Variants in CRPPA observed in about 807,000 individuals in gnomAD.
CRPPA encodes D-ribitol-5-phosphate cytidylyltransferase.
Under a neutral mutation model 52.0 loss-of-function variants are expected in CRPPA, and 43 were observed. The observed-to-expected ratio is 0.83, with a 90% CI of 0.65 to 1.07. The LOEUF (loss-of-function observed/expected upper bound fraction) is 1.07. CRPPA is among the 50% of genes least tolerant of loss of function. The probability of loss-of-function intolerance (pLI) is 0.00; values close to 1 mark genes in which losing one functional copy is unlikely to be tolerated. For missense variants in CRPPA, 629 were observed against 551.7 expected, an observed-to-expected ratio of 1.14 and a Z score of -1.40; for synonymous variants, 250 against 203.5, an observed-to-expected ratio of 1.23 and a Z score of -1.94.
intron 2 of CRPPA, among the ~76,000 whole-genome samples, chr7:16,383,324 A>G (rs1343438574): frequency 6.6e-6 from 1 of 152,186 alleles, no homozygotes; most frequent in Non-Finnish European, 1.5e-5. Context: ...ATGAACCGCG[A>G]ATGCTGCTGT....
chr7:16,131,879 A>C (rs1471139332), intron 9 of CRPPA, among the ~76,000 whole-genome samples: 1 of 152,162 alleles, frequency 6.6e-6, no homozygotes, highest in Non-Finnish European at 1.5e-5. Context: ...CCCAGCCACC[A>C]CTTAAATTTC....
chr7:16,305,817 G>A (rs768682487), intron 4 of CRPPA, among the ~76,000 whole-genome samples: 38 of 152,184 alleles, frequency 2.5e-4, no homozygotes, highest in Admixed American at 2.0e-4. Flanking sequence ...GGGAGTCGGA[G>A]GTTGCAGTGA....
chr7:16,127,100 T>C (rs925980484), intron 9 of CRPPA, among the ~76,000 whole-genome samples: 2 of 152,160 alleles, frequency 1.3e-5, no homozygotes, highest in East Asian at 1.9e-4. Flanking sequence ...CATTCACATA[T>C]AAAAATCAAT....
chr7:16,304,613 C>A (rs540622759), intron 4 of CRPPA, among the ~76,000 whole-genome samples: 7 of 152,034 alleles, frequency 4.6e-5, no homozygotes, highest in Middle Eastern at 3.4e-3. Context: ...TGCACTCCAG[C>A]CTGGGTGACA....
chr7:16,355,447 G>A (rs11508469), intron 3 of CRPPA, among the ~76,000 whole-genome samples: 16,241 of 152,114 alleles, frequency 0.11, 1,098 homozygotes, highest in East Asian at 0.36. Flanking sequence ...GTCTGTTCTG[G>A]TTGTTCATAT....
At chr7:16,118,806 G>A (rs751597453) in intron 9 of CRPPA, among the ~76,000 whole-genome samples, 1 of 152,140 alleles carries the variant, frequency 6.6e-6, no homozygotes, top group Non-Finnish European at 1.5e-5. Flanking sequence ...CTAGCATCAT[G>A]GAGCTCAAAT....
intron 1 of CRPPA, among the ~76,000 whole-genome samples, chr7:16,410,834 G>A (rs949331221): frequency 1.3e-5 from 2 of 151,802 alleles, no homozygotes; most frequent in African/African-American, 4.8e-5. Context: ...CCTACTCCCC[G>A]CCAGCCCTGC....
intron 3 of CRPPA, among the ~76,000 whole-genome samples, chr7:16,366,312 C>A (rs2128310300): frequency 6.6e-6 from 1 of 152,218 alleles, no homozygotes; most frequent in African/African-American, 2.4e-5. Context: ...CAGACCATAG[C>A]AATAAGTAAC....
chr7:16,272,549 G>A (rs1784113622), intron 6 of CRPPA, among the ~76,000 whole-genome samples: 1 of 152,144 alleles, frequency 6.6e-6, no homozygotes, highest in Non-Finnish European at 1.5e-5. Context: ...TTCAAAGTAG[G>A]ATGAAAGCTT....
chr7:16,300,127 C>T (rs1380077819), intron 5 of CRPPA, among the ~76,000 whole-genome samples: 1 of 152,116 alleles, frequency 6.6e-6, no homozygotes, highest in East Asian at 1.9e-4. Flanking sequence ...TGTTTACATA[C>T]ACACAAACAG....
chr7:16,263,485 C>T (rs1226783850), intron 6 of CRPPA, among the ~76,000 whole-genome samples: 2 of 152,212 alleles, frequency 1.3e-5, no homozygotes, highest in Non-Finnish European at 2.9e-5. Flanking sequence ...GGCGCAGTGG[C>T]TCACGCCTGT....
intron 9 of CRPPA, among the ~76,000 whole-genome samples, chr7:16,101,502 T>C (rs1012545946): frequency 6.6e-6 from 1 of 152,166 alleles, no homozygotes; most frequent in African/African-American, 2.4e-5. Context: ...GATATCCCCT[T>C]TATCATTTTT....
chr7:16,170,153 A>G (rs1012972772), intron 9 of CRPPA, among the ~76,000 whole-genome samples: 1 of 152,200 alleles, frequency 6.6e-6, no homozygotes, highest in African/African-American at 2.4e-5. Context: ...TTTAATTTAT[A>G]GAATTGACTG....
chr7:16,154,974 T>A, intron 9 of CRPPA, among the ~76,000 whole-genome samples: 1 of 37,156 alleles, frequency 2.7e-5, no homozygotes, highest in African/African-American at 8.2e-5. Flanking sequence ...TAATTTTTTC[T>A]TTTTTTTTTT....
At chr7:16,320,945 A>G (rs6968164) in intron 3 of CRPPA, among the ~76,000 whole-genome samples, 68,647 of 151,896 alleles carry the variant, frequency 0.45, 15,785 homozygotes, top group South Asian at 0.61. Context: ...AACAGTATGA[A>G]TGATCTGGCT....
chr7:16,199,897 G>A (rs544019620), intron 9 of CRPPA, among the ~76,000 whole-genome samples: 13 of 133,604 alleles, frequency 9.7e-5, no homozygotes, highest in African/African-American at 1.7e-4. Flanking sequence ...TGCTCTTGTC[G>A]CCCAGGCTGG....
In CRPPA at chr7:16,258,373, G is replaced by A. The variant is rs2128412300; in HGVS notation, c.1119+17C>T. 2 of 1,475,634 alleles carry A rather than the reference G, an allele frequency of 1.4e-6. No individual in the cohort carries two copies. Among genetic ancestry groups the A allele is most frequent in the Non-Finnish European group, 1.9e-6 (2 of 1,068,346 alleles). The allele number at this position is 1,475,634 out of a possible 1,614,324, so 91.4% of individuals were successfully genotyped here. A position where few individuals can be genotyped will look rare whatever the true frequency, so the allele number is the denominator to read the frequency against. ...GGAAGCATAAGTTTGAGAAAAATCT[G>A]CATTAATTTCACTTACTGAAACAAC... On this transcript the variant is annotated intron_variant, in intron 8 of 9. Transcript: ENST00000407010.
intron 2 of CRPPA, among the ~76,000 whole-genome samples, chr7:16,400,393 A>G (rs902894153): frequency 6.6e-6 from 1 of 152,172 alleles, no homozygotes; most frequent in Non-Finnish European, 1.5e-5. Flanking sequence ...GACCTGGTTG[A>G]CAGGCCTGGC....
At chr7:16,398,430 C>A (rs1268005379) in intron 2 of CRPPA, among the ~76,000 whole-genome samples, 1 of 151,766 alleles carries the variant, frequency 6.6e-6, no homozygotes, top group South Asian at 2.1e-4. Context: ...ACATGATTGA[C>A]GTGACCGAGG....
Sources: allele counts gnomAD v4.1 joint callset (sites outside exome capture counted in the v4.1 genomes callset), GRCh38; gene constraint gnomAD v4.1.1; transcripts MANE v1.5; gene names NCBI Gene and HGNC (gene_info 2026-07-23, HGNC 2026-07-21).